The following DLG2 variants were observed in gnomAD, a reference collection of about 807,000 sequenced individuals.
The protein encoded by DLG2 is discs large MAGUK scaffold protein 2.
In DLG2, 45 loss-of-function variants were observed where a neutral mutation model predicts 132.5. The ratio of observed to expected loss-of-function variants is 0.34; its 90% CI spans 0.27 to 0.44. The LOEUF (loss-of-function observed/expected upper bound fraction) is 0.44, where lower values mean the gene tolerates loss of function less well. Among genes scored for constraint, DLG2 ranks in the 20% least tolerant of loss-of-function variants. The pLI is 1.00. For synonymous variants in DLG2, 424 were observed against 419.6 expected, an observed-to-expected ratio of 1.01 and a Z score of -0.13; for missense variants, 1,045 against 1,196.9, an observed-to-expected ratio of 0.87 and a Z score of 1.87.
intron 5 of DLG2, among the ~76,000 whole-genome samples, chr11:85,112,818 T>C (rs2072986248): frequency 6.6e-6 from 1 of 152,092 alleles, no homozygotes; most frequent in African/African-American, 2.4e-5. Context: ...CTCTTTCTTT[T>C]ATGAGAAGTT....
chr11:84,945,434 G>A (rs991363891), intron 6 of DLG2, among the ~76,000 whole-genome samples: 5 of 152,120 alleles, frequency 3.3e-5, no homozygotes, highest in Non-Finnish European at 5.9e-5. Flanking sequence ...TCTCTGTGCT[G>A]AGCTGCCTGG....
At chr11:84,443,162 G>A (rs2099022638) in intron 7 of DLG2, among the ~76,000 whole-genome samples, 1 of 151,926 alleles carries the variant, frequency 6.6e-6, no homozygotes, top group African/African-American at 2.4e-5. Flanking sequence ...AATGTATAAT[G>A]TGCCTCTTCT....
chr11:83,955,436 G>A (rs773455219), intron 14 of DLG2, among the ~76,000 whole-genome samples: 3 of 152,128 alleles, frequency 2.0e-5, no homozygotes, highest in African/African-American at 7.2e-5. Context: ...GCAGCCAAAC[G>A]CCTAGGCAGA....
chr11:83,558,715 C>A (rs483020), intron 19 of DLG2, among the ~76,000 whole-genome samples: 2 of 151,906 alleles, frequency 1.3e-5, no homozygotes, highest in Non-Finnish European at 2.9e-5. Context: ...TCTTTTCTCC[C>A]AGAGAGGAGG....
At chr11:84,129,694 A>C (rs1280301206) in intron 9 of DLG2, among the ~76,000 whole-genome samples, 44 of 151,924 alleles carry the variant, frequency 2.9e-4, no homozygotes, top group Admixed American at 2.6e-3. Context: ...ATTGTATTAG[A>C]GACAAACTGA....
intron 6 of DLG2, among the ~76,000 whole-genome samples, chr11:84,913,182 G>A (rs1310362591): frequency 1.3e-5 from 2 of 152,158 alleles, no homozygotes; most frequent in African/African-American, 4.8e-5. Flanking sequence ...TAAGAAAATT[G>A]TCTGGTTGGC....
chr11:83,512,857 T>A (rs2095107180), intron 21 of DLG2, among the ~76,000 whole-genome samples: 2 of 152,212 alleles, frequency 1.3e-5, no homozygotes, highest in Non-Finnish European at 1.5e-5. Context: ...ACAAAGGACA[T>A]GAACTCATCA....
At chr11:85,266,166 C>A (rs1306367548) in intron 4 of DLG2, among the ~76,000 whole-genome samples, 1 of 152,206 alleles carries the variant, frequency 6.6e-6, no homozygotes, top group African/African-American at 2.4e-5. Flanking sequence ...GTCATGGGCC[C>A]CCCAACCTGG....
At chr11:84,850,252 G>A (rs902883608) in intron 6 of DLG2, among the ~76,000 whole-genome samples, 1 of 152,064 alleles carries the variant, frequency 6.6e-6, no homozygotes, top group African/African-American at 2.4e-5. Context: ...TTAAAAATTT[G>A]CTATGCAACA....
chr11:84,945,291 C>T lies in DLG2; in HGVS notation c.357+166370G>A, dbSNP rs189222671. Among the ~76,000 whole-genome samples, 162 of 152,292 alleles carry T rather than the reference C, an allele frequency of 1.1e-3. 2 individuals are homozygous for T. Among genetic ancestry groups the T allele is most frequent in the African/African-American group, 2.7e-3 (114 of 41,554 alleles). ...GACACCCCAACCCCAAGCCCAAGAA[C>T]GCTGTGAGTCTTGCAGACCTGTAGA... On this transcript the variant is annotated intron_variant, in intron 6 of 27. Transcript: ENST00000376104.
intron 3 of DLG2, among the ~76,000 whole-genome samples, chr11:85,409,216 G>C (rs2152976999): frequency 6.6e-6 from 1 of 151,980 alleles, no homozygotes; most frequent in African/African-American, 2.4e-5. Flanking sequence ...ATAGGGTACA[G>C]AGTAATTAAC....
intron 18 of DLG2, among the ~76,000 whole-genome samples, chr11:83,653,818 G>A (rs916631134): frequency 1.3e-5 from 2 of 150,452 alleles, no homozygotes; most frequent in Non-Finnish European, 3.0e-5. Flanking sequence ...TGCCTCCCAG[G>A]TTCAAGAGAT....
At chr11:85,538,828 T>G (rs2075779802) in intron 3 of DLG2, among the ~76,000 whole-genome samples, 1 of 151,600 alleles carries the variant, frequency 6.6e-6, no homozygotes, top group Non-Finnish European at 1.5e-5. Flanking sequence ...CAATGCACAC[T>G]GGGGCCTGTT....
intron 6 of DLG2, among the ~76,000 whole-genome samples, chr11:84,625,280 T>A (rs889462709): frequency 1.3e-5 from 2 of 152,172 alleles, no homozygotes; most frequent in Non-Finnish European, 2.9e-5. Context: ...TCATCACAGA[T>A]GACTCTTTAC....
At chr11:84,936,673 T>A (rs1017995836) in intron 6 of DLG2, 1 of 152,172 alleles carries the variant, frequency 6.6e-6, no homozygotes, top group African/African-American at 2.4e-5. Flanking sequence ...AAGTTTTAAT[T>A]GTCTTTTTCT....
intron 3 of DLG2, among the ~76,000 whole-genome samples, chr11:85,488,922 T>C (rs114495927): frequency 0.023 from 3,433 of 152,094 alleles, 120 homozygotes; most frequent in African/African-American, 0.077. Flanking sequence ...ATAAAACTCA[T>C]TGGTAAATTA....
At chr11:84,836,073 C>G (rs1233631304) in intron 6 of DLG2, among the ~76,000 whole-genome samples, 3 of 151,646 alleles carry the variant, frequency 2.0e-5, no homozygotes, top group African/African-American at 7.3e-5. Flanking sequence ...ACTGACTTAC[C>G]CTGAGGCAGT....
At chr11:85,388,707 G>A (rs1029191023) in intron 3 of DLG2, among the ~76,000 whole-genome samples, 2 of 152,152 alleles carry the variant, frequency 1.3e-5, no homozygotes, top group African/African-American at 4.8e-5. Flanking sequence ...CCAGCCAGAA[G>A]CCTGGTAGCT....
chr11:85,020,884 CAG>C, intron 6 of DLG2: 1 of 766,098 alleles, frequency 1.3e-6, no homozygotes. Context: ...CCCTCCTCAG[CAG>C]AGTCATGTGC....
Sources: gnomAD v4.1 joint callset for allele counts (sites outside exome capture counted in the v4.1 genomes callset) on GRCh38, gnomAD v4.1.1 for gene constraint, MANE v1.5 for transcripts, NCBI Gene and HGNC (gene_info 2026-07-23, HGNC 2026-07-21) for gene names.